Variants in WDR17 observed in about 807,000 individuals in gnomAD.
WDR17 encodes WD repeat domain 17, also known as WD repeat-containing protein 17.
WDR17 carries 143 observed loss-of-function variants against 161.7 expected under a neutral mutation model. The observed-to-expected ratio is 0.88, with a 90% CI of 0.77 to 1.02. The LOEUF is 1.02. Among genes scored for constraint, WDR17 ranks in the 50% least tolerant of loss-of-function variants. The pLI is 0.00. For missense variants in WDR17, 1,469 were observed against 1,520.9 expected, an observed-to-expected ratio of 0.97 and a Z score of 0.57; for synonymous variants, 517 against 515.6, an observed-to-expected ratio of 1.00 and a Z score of -0.04.
rs568333281 is a variant in WDR17, at chr4:176,174,941, T to G, written c.3449+223T>G. Among the ~76,000 whole-genome samples the G allele has an allele frequency of 5.9e-5, 9 of 152,342 alleles. 1 individual carries two copies. In the South Asian group the frequency reaches 1.9e-3, roughly 32 times the overall value. On this transcript the variant is annotated intron_variant, in intron 26 of 28. Transcript: ENST00000508596. ...CTTAAACTCCTAGGATTTATTGATC[T>G]TTCATGTCAAGACACTTGAGACAGG...
chr4:176,082,716 G>T (rs1054992667), intron 1 of WDR17, among the ~76,000 whole-genome samples: 10 of 152,086 alleles, frequency 6.6e-5, no homozygotes, highest in African/African-American at 2.4e-4. Context: ...AAAATTTGTG[G>T]AAATATAGTG....
rs755632110 is a variant in WDR17, at chr4:176,067,763, A to G, written c.-7+1684A>G. ...GTTGTTGCTGTTTTCTACAGACTCTATCTTGTATCCTTTAGTCTGGGAAAG... is the reference window on the plus strand; with the variant it reads ...GTTGTTGCTGTTTTCTACAGACTCTGTCTTGTATCCTTTAGTCTGGGAAAG... On this transcript the variant is annotated intron_variant, in intron 1 of 28. Coordinates refer to ENST00000508596, the MANE Select transcript of WDR17 (RefSeq NM_181265.4). Among the ~76,000 whole-genome samples, 16 of 152,146 alleles carry G rather than the reference A, an allele frequency of 1.1e-4. 1 individual carries two copies. The highest frequency in any genetic ancestry group is 9.8e-4 in the Admixed American group (15 of 15,272).
intron 1 of WDR17, among the ~76,000 whole-genome samples, chr4:176,066,607 T>C (rs185361618): frequency 6.6e-6 from 1 of 152,222 alleles, no homozygotes; most frequent in Non-Finnish European, 1.5e-5. Context: ...TCCTCCCCTC[T>C]CCAAAATCAG....
At chr4:176,122,577 A>G (rs1394217507) in intron 4 of WDR17, among the ~76,000 whole-genome samples, 2 of 152,240 alleles carry the variant, frequency 1.3e-5, no homozygotes, top group Non-Finnish European at 2.9e-5. Flanking sequence ...CTAACACTAC[A>G]TTCTGGATTG....
intron 1 of WDR17, among the ~76,000 whole-genome samples, chr4:176,069,744 A>G (rs753326173): frequency 2.6e-5 from 4 of 152,144 alleles, no homozygotes; most frequent in Non-Finnish European, 5.9e-5. Flanking sequence ...CACACAGAAA[A>G]CTTACTTTCA....
rs565427075 is a variant in WDR17 at position 176,144,868 on chromosome 4, A to G, written c.1530-1127A>G. The stretch of plus-strand genomic sequence containing the variant: ...TATGATATCATTTCTGACTTTATGT[A>G]TCTGTATATACATATATATAAAAAT... On this transcript the variant is annotated intron_variant, in intron 11 of 28. Coordinates refer to ENST00000508596, the MANE Select transcript of WDR17 (RefSeq NM_181265.4). Among the ~76,000 whole-genome samples the G allele has an allele frequency of 6.2e-4, 94 of 152,074 alleles. 1 individual carries two copies. The highest frequency in any genetic ancestry group is 2.2e-3 in the African/African-American group (93 of 41,506).
chr4:176,138,877 T>G (rs993926884), intron 9 of WDR17, among the ~76,000 whole-genome samples: 1 of 151,842 alleles, frequency 6.6e-6, no homozygotes, highest in Non-Finnish European at 1.5e-5. Flanking sequence ...AGGGAAAAAT[T>G]AACAATGCCA....
At chr4:176,089,411 T>C (rs1335847718) in intron 1 of WDR17, among the ~76,000 whole-genome samples, 1 of 152,200 alleles carries the variant, frequency 6.6e-6, no homozygotes, top group Non-Finnish European at 1.5e-5. Flanking sequence ...AGTACCCTAA[T>C]GTAGTATTAT....
intron 15 of WDR17, 108 bp from the exon 16 acceptor site, chr4:176,150,357 TTTG>T (rs1746924822): frequency 1.4e-6 from 2 of 1,459,076 alleles, no homozygotes; most frequent in Non-Finnish European, 1.8e-6. Context: ...ATGTAGTTAT[TTTG>T]TTAATTTTTA....
At chr4:176,156,261 C>A in intron 18 of WDR17, 118 bp downstream of exon 18, 1 of 945,882 alleles carries the variant, frequency 1.1e-6, no homozygotes, top group Non-Finnish European at 1.5e-6. Flanking sequence ...TCTTAAATAA[C>A]AATTAAATTT....
rs547877371 is a variant in WDR17 at position 176,162,059 on chromosome 4, A to AT, written c.2751-9dup. 6.4e-5 allele frequency: 103 copies of AT among 1,599,288 alleles called. 1 individual carries two copies. Among genetic ancestry groups the AT allele is most frequent in the Non-Finnish European group, 7.8e-5 (91 of 1,173,742 alleles). On this transcript the variant is annotated splice_polypyrimidine_tract_variant and intron_variant, in intron 20 of 28. Coordinates refer to ENST00000508596, the MANE Select transcript of WDR17 (RefSeq NM_181265.4). ...ATACTTGTGTTTATATAGAATACAC[A>AT]TTTTTTTCTTTCTAGACTCCTGCAC...
chr4:176,171,960 G>A (rs749515497), intron 23 of WDR17, among the ~76,000 whole-genome samples: 5 of 152,082 alleles, frequency 3.3e-5, no homozygotes, highest in African/African-American at 1.2e-4. Flanking sequence ...ACAGCGTAGA[G>A]GACATGGAAT....
chr4:176,155,192 A>G (rs1747868079), intron 17 of WDR17, among the ~76,000 whole-genome samples: 1 of 152,122 alleles, frequency 6.6e-6, no homozygotes, highest in Non-Finnish European at 1.5e-5. Context: ...TACATATTTT[A>G]GTTACTATTT....
At chr4:176,143,580 G>A (rs1278500341) in intron 11 of WDR17, among the ~76,000 whole-genome samples, 1 of 152,118 alleles carries the variant, frequency 6.6e-6, no homozygotes, top group Non-Finnish European at 1.5e-5. Context: ...TCGGGAGGCT[G>A]AGGTGGGAGG....
chr4:176,167,403 T>C (rs1437328317), intron 22 of WDR17, among the ~76,000 whole-genome samples: 2 of 151,808 alleles, frequency 1.3e-5, no homozygotes, highest in African/African-American at 4.8e-5. Flanking sequence ...TCCCAGCACT[T>C]TGGGAGGCCG....
chr4:176,146,137 C>G lies in WDR17; in HGVS notation c.1672C>G (p.Leu558Val). ...VKWSPLREGI[L>V]CSGSDDGTVR... ...ATGGTCTCCTCTGAGAGAGGGAATTCTTTGCAGTGGTTCTGATGATGGGTA... is the reference window on the plus strand; with the variant it reads ...ATGGTCTCCTCTGAGAGAGGGAATTGTTTGCAGTGGTTCTGATGATGGGTA... Residue 558 changes from leucine to valine, a missense_variant, in exon 12 of 29, where the codon CTT (leucine) becomes GTT (valine). Physicochemically the swap from Leu to Val is conservative, Grantham distance 32. Coordinates refer to ENST00000508596, the MANE Select transcript of WDR17 (RefSeq NM_181265.4). 1 of 1,613,430 alleles carries G rather than the reference C, an allele frequency of 6.2e-7. No homozygotes were observed. Among genetic ancestry groups the G allele is most frequent in the South Asian group, 1.1e-5 (1 of 90,922 alleles).
At chr4:176,105,884 G>GA (rs572370555) in intron 1 of WDR17, among the ~76,000 whole-genome samples, 200 of 148,844 alleles carry the variant, frequency 1.3e-3, no homozygotes, top group African/African-American at 2.9e-3. Context: ...GTAGAGAATA[G>GA]AAAAAAAAAT....
At chr4:176,118,017 T>C (rs1740911112) in intron 3 of WDR17, among the ~76,000 whole-genome samples, 1 of 152,170 alleles carries the variant, frequency 6.6e-6, no homozygotes, top group Non-Finnish European at 1.5e-5. Flanking sequence ...TTACTTCTTC[T>C]TCCTTTTGTT....
chr4:176,144,164 A>G (rs978824178), intron 11 of WDR17, among the ~76,000 whole-genome samples: 8 of 152,188 alleles, frequency 5.3e-5, no homozygotes, highest in African/African-American at 1.9e-4. Flanking sequence ...CCTGGGTGGG[A>G]GATAGATAAC....
Sources: gnomAD v4.1 joint callset for allele counts (sites outside exome capture counted in the v4.1 genomes callset) on GRCh38, gnomAD v4.1.1 for gene constraint, MANE v1.5 for transcripts, NCBI Gene and HGNC (gene_info 2026-07-23, HGNC 2026-07-21) for gene names.